The following AEBP2 variants were observed in gnomAD, a reference collection of about 807,000 sequenced individuals.
AEBP2 encodes zinc finger protein AEBP2.
AEBP2 carries 10 observed loss-of-function variants against 50.8 expected under a neutral mutation model. The ratio of observed to expected loss-of-function variants is 0.20; its 90% confidence interval spans 0.12 to 0.33. AEBP2 has a LOEUF of 0.33. Ranked by LOEUF, AEBP2 falls within the 10% of genes least tolerant of loss-of-function variation. AEBP2 has a pLI of 1.00. For missense variants in AEBP2, 570 were observed against 688.0 expected, an observed-to-expected ratio of 0.83 and a Z score of 1.92; for synonymous variants, 296 against 261.3, an observed-to-expected ratio of 1.13 and a Z score of -1.28.
chr12:19,514,585 C>A, intron 6 of AEBP2, 86 bp from the exon 7 acceptor site: 1 of 1,026,716 alleles, frequency 9.7e-7, no homozygotes. Flanking sequence ...ATCAAAGTAG[C>A]AGAAAATGCC....
Position 19,516,084 on chromosome 12 carries a change from CAAAA to C in AEBP2, c.1481+1304_1481+1307del, listed in dbSNP as rs1565740488. On this transcript the variant is annotated intron_variant, in intron 7 of 7. Coordinates refer to ENST00000266508, the MANE Select transcript of AEBP2 (RefSeq NM_153207.5). ...TGGCTGACAGAGCGAGAACCTGTCT[CAAAA>C]AAATTTTTTTCTTCTCAAACATCTT... 2.0e-5 allele frequency among the ~76,000 whole-genome samples: 3 copies of C among 152,140 alleles called. No individual in the cohort carries two copies. In the South Asian group the frequency reaches 6.2e-4, roughly 32 times the overall value.
chr12:19,405,009 A>C (rs1161421066), intron 1 of AEBP2, among the ~76,000 whole-genome samples: 1 of 133,592 alleles, frequency 7.5e-6, no homozygotes, highest in African/African-American at 2.9e-5. Flanking sequence ...ATCTGGACTC[A>C]CTGCAACCTC....
At chr12:19,424,676 G>C (rs1391157101) in intron 1 of AEBP2, among the ~76,000 whole-genome samples, 1 of 151,994 alleles carries the variant, frequency 6.6e-6, no homozygotes, top group East Asian at 2.0e-4. Context: ...GATTACAGGC[G>C]TGAGCCACCG....
At chr12:19,413,585 A>G (rs1565694204) in intron 1 of AEBP2, 1 of 552,158 alleles carries the variant, frequency 1.8e-6, no homozygotes, top group Non-Finnish European at 3.3e-6. Flanking sequence ...TATGCAAAAT[A>G]AAAAAAAAGA....
chr12:19,484,820 AAATG>A (rs1012412832), intron 3 of AEBP2, among the ~76,000 whole-genome samples: 2 of 152,202 alleles, frequency 1.3e-5, no homozygotes, highest in Non-Finnish European at 2.9e-5. Flanking sequence ...GTAAATGAAT[AAATG>A]AATGAATAAG....
At chr12:19,502,836 T>C (rs1476927297) in intron 5 of AEBP2, among the ~76,000 whole-genome samples, 1 of 152,062 alleles carries the variant, frequency 6.6e-6, no homozygotes, top group Non-Finnish European at 1.5e-5. Context: ...TTAGTAGAGA[T>C]GGGGTTTCTC....
chr12:19,429,760 G>A (rs1254093838), intron 1 of AEBP2, among the ~76,000 whole-genome samples: 2 of 151,862 alleles, frequency 1.3e-5, no homozygotes, highest in African/African-American at 2.4e-5. Context: ...GTGTCTTTTG[G>A]CTGCATAAAT....
intron 3 of AEBP2, among the ~76,000 whole-genome samples, chr12:19,479,880 G>A (rs1948702682): frequency 6.6e-6 from 1 of 151,534 alleles, no homozygotes; most frequent in South Asian, 2.1e-4. Context: ...TATGTGTTAG[G>A]TGAGTCTCTT....
At chr12:19,405,025 C>G (rs2095735474) in intron 1 of AEBP2, among the ~76,000 whole-genome samples, 1 of 148,658 alleles carries the variant, frequency 6.7e-6, no homozygotes, top group Non-Finnish European at 1.5e-5. Flanking sequence ...ACCTCTGCCT[C>G]CAGGGTTCAA....
chr12:19,448,422 T>G (rs7309580), intron 1 of AEBP2, among the ~76,000 whole-genome samples: 2 of 151,336 alleles, frequency 1.3e-5, no homozygotes, highest in Admixed American at 6.6e-5. Context: ...GAGGTGGAGG[T>G]TGCAGTGATC....
intron 1 of AEBP2, among the ~76,000 whole-genome samples, chr12:19,457,814 C>T (rs1182201474): frequency 1.3e-5 from 2 of 152,198 alleles, no homozygotes; most frequent in Non-Finnish European, 2.9e-5. Context: ...AGGACCTACC[C>T]TAAACCTGCT....
At chr12:19,489,960 A>G (rs548104632) in intron 3 of AEBP2, among the ~76,000 whole-genome samples, 9 of 141,054 alleles carry the variant, frequency 6.4e-5, no homozygotes, top group Non-Finnish European at 9.3e-5. Context: ...TTTCATTTCT[A>G]GAGACTGAAT....
In AEBP2 at chr12:19,520,641, A is replaced by G. The variant is rs970116135; in HGVS notation, c.*2524A>G. On this transcript the variant is annotated 3_prime_UTR_variant, in exon 8 of 8. Coordinates refer to ENST00000266508, the MANE Select transcript of AEBP2 (RefSeq NM_153207.5). ...TGAAATAATAAGTCTGTTGTCCAGA[A>G]TTTATGTATTGTTCAGCATCAAGCA... The G allele has an allele frequency of 6.6e-6, 1 of 152,142 alleles. No individual in the cohort carries two copies. Among genetic ancestry groups the G allele is most frequent in the African/African-American group, 2.4e-5 (1 of 41,436 alleles). The allele number at this position is 152,142 out of a possible 1,614,324, so 9.4% of individuals were successfully genotyped here.
intron 1 of AEBP2, among the ~76,000 whole-genome samples, chr12:19,407,093 A>G (rs781644438): frequency 1.1e-4 from 16 of 152,272 alleles, no homozygotes; most frequent in Non-Finnish European, 2.2e-4. Context: ...CTCAAGCCCA[A>G]TAATTTGAGA....
intron 1 of AEBP2, among the ~76,000 whole-genome samples, chr12:19,423,196 G>C (rs1329553682): frequency 2.0e-5 from 3 of 149,528 alleles, no homozygotes; most frequent in African/African-American, 2.5e-5. Flanking sequence ...ATACATAGTA[G>C]ACACTCAATA....
chr12:19,444,471 A>T (rs1288543092), intron 1 of AEBP2, among the ~76,000 whole-genome samples: 6 of 152,218 alleles, frequency 3.9e-5, no homozygotes, highest in African/African-American at 1.4e-4. Context: ...TGTGGCCCAC[A>T]CCTGTGATTC....
intron 1 of AEBP2, among the ~76,000 whole-genome samples, chr12:19,419,729 A>G (rs1456945999): frequency 6.6e-6 from 1 of 152,118 alleles, no homozygotes; most frequent in East Asian, 1.9e-4. Flanking sequence ...CCGGAGTTTG[A>G]GACTAGACTG....
chr12:19,466,426 G>A lies in AEBP2; in HGVS notation c.879+3709G>A, dbSNP rs140049108. On this transcript the variant is annotated intron_variant, in intron 2 of 7. Coordinates refer to ENST00000266508, the MANE Select transcript of AEBP2 (RefSeq NM_153207.5). ...AGATCGTGCCACCGCACTCCAGCCTGGATGACAGAGTGAGATCCTGTCTCA... is the reference window on the plus strand; with the variant it reads ...AGATCGTGCCACCGCACTCCAGCCTAGATGACAGAGTGAGATCCTGTCTCA... Among the ~76,000 whole-genome samples, 193 of 152,248 alleles carry A rather than the reference G, an allele frequency of 1.3e-3. 7 individuals are homozygous for A. In the East Asian group the frequency reaches 0.034, roughly 27 times the overall value.
intron 2 of AEBP2, among the ~76,000 whole-genome samples, chr12:19,462,919 T>G (rs1023676090): frequency 1.3e-5 from 2 of 152,206 alleles, no homozygotes; most frequent in Non-Finnish European, 2.9e-5. Context: ...TTTTAGTTTG[T>G]TTTTAGATAC....
Sources: allele counts gnomAD v4.1 joint callset (sites outside exome capture counted in the v4.1 genomes callset), GRCh38; gene constraint gnomAD v4.1.1; transcripts MANE v1.5; gene names NCBI Gene and HGNC (gene_info 2026-07-23, HGNC 2026-07-21).